Variants in BCL2L14 observed in about 807,000 individuals in gnomAD.
BCL2L14 encodes apoptosis facilitator Bcl-2-like protein 14.
BCL2L14 carries 27 observed loss-of-function variants against 35.3 expected under a neutral mutation model. The observed-to-expected ratio is 0.76, with a 90% CI of 0.56 to 1.05. The LOEUF is 1.05. Among genes scored for constraint, BCL2L14 ranks in the 50% least tolerant of loss-of-function variants. The pLI is 0.00. For synonymous variants in BCL2L14, 139 were observed against 145.9 expected, an observed-to-expected ratio of 0.95 and a Z score of 0.34; for missense variants, 377 against 382.6, an observed-to-expected ratio of 0.99 and a Z score of 0.12.
At chr12:12,072,841 TAGAGG>T (rs1948695990) in intron 1 of BCL2L14, among the ~76,000 whole-genome samples, 1 of 151,856 alleles carries the variant, frequency 6.6e-6, no homozygotes, top group African/African-American at 2.4e-5. Context: ...TAACAAGGAT[TAGAGG>T]AAACAAAAAC....
At chr12:12,058,791 G>A (rs1339639780) in intron 2 of BCL2L14, among the ~76,000 whole-genome samples, 1 of 152,170 alleles carries the variant, frequency 6.6e-6, no homozygotes, top group Non-Finnish European at 1.5e-5. Flanking sequence ...GAAATTTGGT[G>A]CCATGACTCA....
intron 2 of BCL2L14, among the ~76,000 whole-genome samples, chr12:12,082,910 T>C (rs1020493299): frequency 3.1e-4 from 47 of 152,206 alleles, no homozygotes; most frequent in African/African-American, 1.1e-3. Flanking sequence ...ATTTCTATTT[T>C]GCCACATACA....
chr12:12,056,422 G>A (rs1036404341), intron 2 of BCL2L14, among the ~76,000 whole-genome samples: 1 of 152,104 alleles, frequency 6.6e-6, no homozygotes, highest in Non-Finnish European at 1.5e-5. Flanking sequence ...CTCATCTATA[G>A]TAAGAAGCAG....
At position 12,099,030 on chromosome 12, in the gene BCL2L14, G is replaced by A. The variant is rs1384954642; in HGVS notation, c.*42G>A. ...TCAGGAATACTCTTTGTCTACTGTG[G>A]TCCTGTGCACGTTGGCCTCAGATGG... On this transcript the variant is annotated 3_prime_UTR_variant, in exon 6 of 6. Transcript: ENST00000308721. 6.7e-7 allele frequency: 1 copy of A among 1,483,570 alleles called. No individual in the cohort carries two copies. The highest frequency in any genetic ancestry group is 1.1e-5 in the South Asian group (1 of 88,230). The allele number at this position is 1,483,570 out of a possible 1,614,324, so 91.9% of individuals were successfully genotyped here.
intron 1 of BCL2L14, among the ~76,000 whole-genome samples, chr12:12,076,664 A>G (rs1948787063): frequency 6.6e-6 from 1 of 152,092 alleles, no homozygotes; most frequent in Admixed American, 6.5e-5. Context: ...CATCCCTCCC[A>G]GGCTCACTTC....
chr12:12,095,701 A>T (rs1038049332), intron 5 of BCL2L14: 1 of 985,274 alleles, frequency 1.0e-6, no homozygotes, highest in East Asian at 1.1e-4. Context: ...AGGGGCCAGC[A>T]GGAGGATTGA....
At chr12:12,081,362 G>A (rs980938406) in intron 2 of BCL2L14, among the ~76,000 whole-genome samples, 1 of 151,220 alleles carries the variant, frequency 6.6e-6, no homozygotes, top group Admixed American at 6.6e-5. Flanking sequence ...GGCTGAGGTG[G>A]AAGGATCACT....
intron 2 of BCL2L14, among the ~76,000 whole-genome samples, chr12:12,082,557 A>C (rs533595533): frequency 4.6e-5 from 7 of 152,152 alleles, no homozygotes; most frequent in African/African-American, 1.4e-4. Context: ...GTCATTTGAC[A>C]TTTTTTTTAT....
At chr12:12,084,661 T>C (rs74064616) in intron 2 of BCL2L14, among the ~76,000 whole-genome samples, 1,800 of 152,212 alleles carry the variant, frequency 0.012, 30 homozygotes, top group African/African-American at 0.041. Context: ...CTGACAAGGA[T>C]ATAATCTTTT....
At chr12:12,086,686 G>A (rs7311889) in intron 2 of BCL2L14, among the ~76,000 whole-genome samples, 1,559 of 152,322 alleles carry the variant, frequency 0.01, 34 homozygotes, top group African/African-American at 0.036. Context: ...ACCAGCAACG[G>A]GAGTTAGGTG....
chr12:12,092,406 CATG>C (rs1288846659), intron 4 of BCL2L14, among the ~76,000 whole-genome samples: 1 of 152,216 alleles, frequency 6.6e-6, no homozygotes, highest in African/African-American at 2.4e-5. Flanking sequence ...GCTAGAGACA[CATG>C]GTAGGTGTGA....
intron 2 of BCL2L14, among the ~76,000 whole-genome samples, chr12:12,081,403 G>A (rs1565470842): frequency 6.9e-6 from 1 of 145,912 alleles, no homozygotes; most frequent in South Asian, 2.1e-4. Context: ...TGCAGTGAGC[G>A]AAGATCACAT....
intron 2 of BCL2L14, among the ~76,000 whole-genome samples, chr12:12,082,154 C>T (rs1378932323): frequency 1.3e-5 from 2 of 152,216 alleles, no homozygotes; most frequent in African/African-American, 4.8e-5. Flanking sequence ...ACAAAAAGGG[C>T]TTACCAAGGA....
intron 4 of BCL2L14, among the ~76,000 whole-genome samples, chr12:12,092,681 G>A (rs1949216049): frequency 6.6e-6 from 1 of 152,170 alleles, no homozygotes; most frequent in South Asian, 2.1e-4. Context: ...CTAGGGTTTT[G>A]AGCCTGGCCT....
intron 2 of BCL2L14, chr12:12,055,455 G>GT (rs1428192646): frequency 6.6e-6 from 1 of 152,114 alleles, no homozygotes; most frequent in African/African-American, 2.4e-5. Flanking sequence ...TAATACCCCA[G>GT]TTTCAGATTT....
rs754316570 is a variant in BCL2L14 at position 12,087,375 on chromosome 12, G to A, written c.596G>A (p.Ser199Asn). 77 of 1,614,016 alleles carry A rather than the reference G, an allele frequency of 4.8e-5. No homozygotes were observed. The highest frequency in any genetic ancestry group is 3.3e-4 in the Middle Eastern group (2 of 6,076). ...CAAGGCCACGTGCCTGTAGCTTCAA[G>A]TTCTAAGAAAGGTAAGCTTTCCTTC... is the stretch of plus-strand genomic sequence containing the variant. ...QLQGHVPVAS[S>N]SKKDEEEQIL... The change falls in exon 3 of 6, where the codon AGT (serine) becomes AAT (asparagine). Residue 199 changes from serine to asparagine, a missense_variant. By Grantham distance (46) the Ser-to-Asn change is conservative. Coordinates refer to ENST00000308721, the MANE Select transcript of BCL2L14 (RefSeq NM_138723.2).
intron 4 of BCL2L14, among the ~76,000 whole-genome samples, chr12:12,092,249 T>C (rs1413302316): frequency 1.3e-5 from 2 of 152,184 alleles, no homozygotes; most frequent in Non-Finnish European, 2.9e-5. Context: ...TGAAGAGCGA[T>C]GGTTTCATTT....
chr12:12,097,220 T>C lies in BCL2L14; in HGVS notation c.946-1730T>C, dbSNP rs1453863691. Reference sequence around the variant, plus strand: ...TATATACCCAAGAAAGTTGAAGACATATTTTCATACAAAAATTTGTACATG... The same window carrying C: ...TATATACCCAAGAAAGTTGAAGACACATTTTCATACAAAAATTTGTACATG... On this transcript the variant is annotated intron_variant, in intron 5 of 5. Transcript: ENST00000308721. 3.6e-4 allele frequency among the ~76,000 whole-genome samples: 55 copies of C among 152,222 alleles called. 2 individuals carry two copies. The highest frequency in any genetic ancestry group is 3.6e-3 in the Admixed American group (55 of 15,276).
intron 1 of BCL2L14, chr12:12,072,123 G>A (rs567849701): frequency 1.3e-5 from 2 of 152,392 alleles, no homozygotes; most frequent in South Asian, 2.1e-4. Flanking sequence ...GAGGCACAGC[G>A]AACCAGGTGT....
Sources: allele counts gnomAD v4.1 joint callset (sites outside exome capture counted in the v4.1 genomes callset), GRCh38; gene constraint gnomAD v4.1.1; transcripts MANE v1.5; gene names NCBI Gene and HGNC (gene_info 2026-07-23, HGNC 2026-07-21).